The following DHX29 variants were observed in gnomAD, a reference collection of about 807,000 sequenced individuals.
DHX29 encodes the protein ATP-dependent RNA helicase DHX29.
A neutral mutation model predicts 167.9 loss-of-function variants in DHX29; 79 were observed. The ratio of observed to expected loss-of-function variants is 0.47; its 90% CI spans 0.39 to 0.57. The LOEUF (loss-of-function observed/expected upper bound fraction) is 0.57, where lower values mean the gene tolerates loss of function less well. Among genes scored for constraint, DHX29 ranks in the 20% least tolerant of loss-of-function variants. The probability of loss-of-function intolerance (pLI) is 0.00; values close to 1 mark genes in which losing one functional copy is unlikely to be tolerated. For synonymous variants in DHX29, 530 were observed against 546.0 expected, an observed-to-expected ratio of 0.97 and a Z score of 0.41; for missense variants, 1,347 against 1,593.4, an observed-to-expected ratio of 0.85 and a Z score of 2.63.
At chr5:55,282,891 A>C (rs1266888101) in intron 11 of DHX29, 4 of 187,122 alleles carry the variant, frequency 2.1e-5, no homozygotes, top group African/African-American at 9.3e-5. Context: ...TTTTAGTAGA[A>C]TTTGAGTTTG....
chr5:55,299,541 G>A (rs952246763), intron 1 of DHX29, among the ~76,000 whole-genome samples: 1 of 152,074 alleles, frequency 6.6e-6, no homozygotes, highest in Non-Finnish European at 1.5e-5. Context: ...CAAAATCATG[G>A]TGTGAGCAGG....
At chr5:55,281,916 G>A (rs577790682) in intron 11 of DHX29, among the ~76,000 whole-genome samples, 1 of 151,358 alleles carries the variant, frequency 6.6e-6, no homozygotes, top group Non-Finnish European at 1.5e-5. Context: ...CTCCCACATA[G>A]CTGGGATTAC....
intron 23 of DHX29, among the ~76,000 whole-genome samples, chr5:55,265,626 AT>A (rs1746519930): frequency 6.6e-6 from 1 of 150,806 alleles, no homozygotes; most frequent in African/African-American, 2.4e-5. Context: ...TATGAACCAA[AT>A]TTAAAGTGTG....
At chr5:55,264,642 AAG>A (rs1167966996) in intron 23 of DHX29, among the ~76,000 whole-genome samples, 1 of 152,178 alleles carries the variant, frequency 6.6e-6, no homozygotes, top group Admixed American at 6.5e-5. Context: ...TCACTTCCCA[AAG>A]AGGGGACAAT....
At chr5:55,267,863 A>C in intron 21 of DHX29, 41 bp from the exon 22 acceptor site, 1 of 1,476,018 alleles carries the variant, frequency 6.8e-7, no homozygotes, top group Non-Finnish European at 9.1e-7. Flanking sequence ...TTATCATTAA[A>C]GAGCAATACA....
chr5:55,290,071 C>T (rs1747960272), intron 7 of DHX29, 147 bp downstream of exon 7: 1 of 951,442 alleles, frequency 1.1e-6, no homozygotes, highest in Non-Finnish European at 1.6e-6. Context: ...ACAGTATTTA[C>T]TACTTATTAT....
chr5:55,270,614 C>T lies in DHX29; in HGVS notation c.2957G>A (p.Arg986Lys). 6.2e-7 allele frequency: 1 copy of T among 1,614,228 alleles called. No individual in the cohort carries two copies. Among genetic ancestry groups the T allele is most frequent in the Non-Finnish European group, 8.5e-7 (1 of 1,180,044 alleles). Residue 986 changes from arginine (R) to lysine (K), a missense_variant, in exon 19 of 27, where the codon AGA becomes AAA. Around this residue, in one of 3 missense-constraint regions of DHX29, gnomAD observed 882 missense variants for 1,082.4 expected, o/e 0.81. Coordinates refer to ENST00000251636, the MANE Select transcript of DHX29 (RefSeq NM_019030.4). Reference protein sequence around the residue: ...LQRQGRAGRVRDGFCFRMYTR... With the variant: ...LQRQGRAGRVKDGFCFRMYTR... Reference sequence around the variant, plus strand: ...GTACATTCGGAAACAGAAGCCATCTCTGACCCGCCCAGCTCTTCCCTGGCG... The same window carrying T: ...GTACATTCGGAAACAGAAGCCATCTTTGACCCGCCCAGCTCTTCCCTGGCG...
intron 1 of DHX29, among the ~76,000 whole-genome samples, chr5:55,299,539 T>C (rs1029018689): frequency 3.3e-5 from 5 of 152,130 alleles, no homozygotes; most frequent in Admixed American, 3.3e-4. Context: ...TCCAAAATCA[T>C]GGTGTGAGCA....
intron 1 of DHX29, among the ~76,000 whole-genome samples, chr5:55,305,515 A>T (rs1389490259): frequency 6.6e-6 from 1 of 152,218 alleles, no homozygotes; most frequent in East Asian, 1.9e-4. Flanking sequence ...GATGCCATGG[A>T]AGAAAATAGG....
intron 8 of DHX29, 27 bp downstream of exon 8, chr5:55,289,243 A>G: frequency 3.3e-6 from 5 of 1,514,718 alleles, no homozygotes; most frequent in Non-Finnish European, 4.4e-6. Context: ...TACAAATTAC[A>G]CCCTGACCAT....
At chr5:55,258,830 G>A (rs751304120) in intron 26 of DHX29, among the ~76,000 whole-genome samples, 24 of 152,250 alleles carry the variant, frequency 1.6e-4, no homozygotes, top group Non-Finnish European at 2.9e-4. Context: ...TGGGATTACA[G>A]GCAGGTGTCA....
rs1748951510 is a variant in DHX29, at chr5:55,307,593, A to G, written c.-20T>C. 1.2e-6 allele frequency: 2 copies of G among 1,612,008 alleles called. No homozygotes were observed. The highest frequency in any genetic ancestry group is 1.9e-4 in the Middle Eastern group (1 of 5,254). ...GCCCATGTTGCAGCTGTGGCAGAAGATCCTTCGCGGCCCAGGCCCCGACGG... is the reference window on the plus strand; with the variant it reads ...GCCCATGTTGCAGCTGTGGCAGAAGGTCCTTCGCGGCCCAGGCCCCGACGG... On this transcript the variant is annotated 5_prime_UTR_variant, in exon 1 of 27. Transcript: ENST00000251636.
At chr5:55,302,774 T>C (rs999041903) in intron 1 of DHX29, among the ~76,000 whole-genome samples, 1 of 152,100 alleles carries the variant, frequency 6.6e-6, no homozygotes, top group Admixed American at 6.5e-5. Flanking sequence ...TTCTGAAAAA[T>C]GATCAGAGAA....
At chr5:55,273,039 C>T (rs909937979) in intron 17 of DHX29, among the ~76,000 whole-genome samples, 10 of 152,136 alleles carry the variant, frequency 6.6e-5, no homozygotes, top group African/African-American at 2.4e-4. Flanking sequence ...CAGGCAACAT[C>T]CATACTATGT....
chr5:55,275,725 C>CTATGTATG lies in DHX29; in HGVS notation c.2427+533_2427+540dup, dbSNP rs375674768. Among the ~76,000 whole-genome samples, 696 of 148,858 alleles carry CTATGTATG rather than the reference C, an allele frequency of 4.7e-3. 4 individuals carry two copies. Among genetic ancestry groups the CTATGTATG allele is most frequent in the East Asian group, 5.1e-3 (26 of 5,064 alleles). ...AAGAACTATGCCCTAGACAGCTTCACTATGTATGTATGTATGTATGTATGT... is the reference window on the plus strand; with the variant it reads ...AAGAACTATGCCCTAGACAGCTTCACTATGTATGTATGTATGTATGTATGTATGTATGT... On this transcript the variant is annotated intron_variant, in intron 14 of 26. Transcript: ENST00000251636.
intron 11 of DHX29, among the ~76,000 whole-genome samples, chr5:55,282,452 T>C (rs991464460): frequency 1.1e-4 from 17 of 152,190 alleles, no homozygotes; most frequent in Non-Finnish European, 2.4e-4. Context: ...GCCTTTTTTT[T>C]CCTCCTCTAT....
chr5:55,307,639 C>A lies in DHX29; in HGVS notation c.-66G>T, dbSNP rs1189541827. ...GACGGTACCACTGCACAGCCGAGAG[C>A]TCTTCACATTCCCCGGCTCCGGGGC... On this transcript the variant is annotated 5_prime_UTR_variant, in exon 1 of 27. Transcript: ENST00000251636. The A allele has an allele frequency of 1.3e-6, 2 of 1,573,572 alleles. No homozygotes were observed. The highest frequency in any genetic ancestry group is 1.4e-5 in the African/African-American group (1 of 73,364).
Position 55,270,393 on chromosome 5 carries a change from C to T in DHX29, c.3069+19G>A, listed in dbSNP as rs188160971. 1.2e-4 allele frequency: 197 copies of T among 1,588,354 alleles called. No individual in the cohort carries two copies. Among genetic ancestry groups the T allele is most frequent in the Non-Finnish European group, 1.6e-4 (183 of 1,169,252 alleles). On this transcript the variant is annotated intron_variant, in intron 20 of 26. Transcript: ENST00000251636. Reference sequence around the variant, plus strand: ...AAAGGGGCGAAGGACAAAATCCATCCGAGTTCCCTTGAGATTACCATAATA... The same window carrying T: ...AAAGGGGCGAAGGACAAAATCCATCTGAGTTCCCTTGAGATTACCATAATA...
chr5:55,270,595 T>C lies in DHX29; in HGVS notation c.2976A>G (p.Arg992=), dbSNP rs1205077632. ...AGRVRDGFCF[R]MYTRERFEGF... is the part of the protein sequence containing the mutation. ...TGCCATACCTTTCTCTTGTGTACAT[T>C]CGGAAACAGAAGCCATCTCTGACCC... Residue 992 remains arginine, a synonymous_variant, in exon 19 of 27, where the codon CGA becomes CGG. Coordinates refer to ENST00000251636, the MANE Select transcript of DHX29 (RefSeq NM_019030.4). 1 of 1,614,214 alleles carries C rather than the reference T, an allele frequency of 6.2e-7. No homozygotes were observed. Among genetic ancestry groups the C allele is most frequent in the Admixed American group, 1.7e-5 (1 of 60,020 alleles).
Sources: gnomAD v4.1 joint callset for allele counts (sites outside exome capture counted in the v4.1 genomes callset) on GRCh38, gnomAD v4.1.1 for gene constraint, gnomAD v4.1.1 regional missense constraint, MANE v1.5 for transcripts, NCBI Gene and HGNC (gene_info 2026-07-23, HGNC 2026-07-21) for gene names.